Variants in CNTN5 observed in about 807,000 individuals in gnomAD.
The protein encoded by CNTN5 is contactin-5.
CNTN5 carries 77 observed loss-of-function variants against 129.1 expected under a neutral mutation model. The observed-to-expected ratio is 0.60, with a 90% confidence interval of 0.50 to 0.72. The LOEUF is 0.72. Ranked by LOEUF, CNTN5 falls within the 30% of genes least tolerant of loss-of-function variation. The probability of loss-of-function intolerance (pLI) is 0.00; values close to 1 mark genes in which losing one functional copy is unlikely to be tolerated. For synonymous variants in CNTN5, 509 were observed against 465.6 expected (o/e 1.09, Z -1.20); for missense variants, 1,478 against 1,328.8 (o/e 1.11, Z -1.75).
At chr11:99,302,436 C>T (rs990863070) in intron 1 of CNTN5, among the ~76,000 whole-genome samples, 1 of 151,538 alleles carries the variant, frequency 6.6e-6, no homozygotes, top group Non-Finnish European at 1.5e-5. Flanking sequence ...ATACTATTTA[C>T]AATTGTATAC....
At chr11:100,288,903 A>G (rs1190094769) in intron 18 of CNTN5, among the ~76,000 whole-genome samples, 3 of 151,914 alleles carry the variant, frequency 2.0e-5, no homozygotes, top group African/African-American at 4.8e-5. Flanking sequence ...TCAAATAGAC[A>G]CAATAAAAAA....
At chr11:100,201,881 G>T (rs183380972) in intron 15 of CNTN5, among the ~76,000 whole-genome samples, 91 of 151,992 alleles carry the variant, frequency 6.0e-4, no homozygotes, top group Non-Finnish European at 1.0e-3. Context: ...GAGTTATCTG[G>T]TTCAAGCTGT....
At chr11:100,026,755 T>G (rs913860212) in intron 9 of CNTN5, among the ~76,000 whole-genome samples, 23 of 152,132 alleles carry the variant, frequency 1.5e-4, no homozygotes, top group Non-Finnish European at 2.8e-4. Context: ...GTTTTAAGAG[T>G]CCCTTTTATA....
intron 6 of CNTN5, among the ~76,000 whole-genome samples, chr11:99,907,416 A>G (rs1015716557): frequency 2.0e-5 from 3 of 152,030 alleles, no homozygotes; most frequent in Non-Finnish European, 2.9e-5. Context: ...GTATTTTTAC[A>G]TTATAGTCTT....
chr11:99,693,585 T>G (rs547907516), intron 3 of CNTN5, among the ~76,000 whole-genome samples: 1 of 151,838 alleles, frequency 6.6e-6, no homozygotes, highest in African/African-American at 2.4e-5. Flanking sequence ...GATAGAGTAA[T>G]GGACAGTAGA....
intron 1 of CNTN5, among the ~76,000 whole-genome samples, chr11:99,050,788 T>C (rs1044619037): frequency 1.3e-5 from 2 of 151,862 alleles, no homozygotes; most frequent in Non-Finnish European, 2.9e-5. Flanking sequence ...AATTGAAAAA[T>C]TGAATATATG....
intron 1 of CNTN5, among the ~76,000 whole-genome samples, chr11:99,149,044 A>C (rs1859922902): frequency 6.6e-6 from 1 of 152,184 alleles, no homozygotes; most frequent in Admixed American, 6.6e-5. Context: ...ATGGCAGAGA[A>C]ATGCTGATCA....
intron 1 of CNTN5, among the ~76,000 whole-genome samples, chr11:99,189,251 G>T (rs917845264): frequency 4.0e-5 from 6 of 151,372 alleles, no homozygotes; most frequent in Admixed American, 6.6e-5. Flanking sequence ...ATATATACAC[G>T]TACATATATA....
intron 6 of CNTN5, among the ~76,000 whole-genome samples, chr11:99,892,158 C>A (rs1481473931): frequency 6.6e-6 from 1 of 152,130 alleles, no homozygotes; most frequent in African/African-American, 2.4e-5. Flanking sequence ...CCTTCGCCCA[C>A]TTTTTGATGG....
At chr11:99,112,292 A>T (rs1353169485) in intron 1 of CNTN5, among the ~76,000 whole-genome samples, 1 of 152,010 alleles carries the variant, frequency 6.6e-6, no homozygotes, top group East Asian at 1.9e-4. Context: ...AACTTCATAA[A>T]TTTTAATGGA....
intron 2 of CNTN5, among the ~76,000 whole-genome samples, chr11:99,532,343 A>C (rs1403900922): frequency 6.6e-6 from 1 of 152,130 alleles, no homozygotes. Context: ...GGAAGTAACT[A>C]ACTTGCTTTT....
At chr11:100,258,932 T>C (rs1950137321) in intron 17 of CNTN5, among the ~76,000 whole-genome samples, 1 of 152,120 alleles carries the variant, frequency 6.6e-6, no homozygotes, top group Non-Finnish European at 1.5e-5. Context: ...CAGGATCAAA[T>C]TTACACATAA....
intron 13 of CNTN5, among the ~76,000 whole-genome samples, chr11:100,161,324 A>AGAATCAGACAATT (rs1357320590): frequency 1.3e-5 from 2 of 151,898 alleles, no homozygotes; most frequent in African/African-American, 4.8e-5. Flanking sequence ...GAGGCTGTAG[A>AGAATCAGACAATT]GAATCAGACA....
intron 13 of CNTN5, among the ~76,000 whole-genome samples, chr11:100,180,340 G>T (rs1171089354): frequency 6.6e-6 from 1 of 151,754 alleles, no homozygotes; most frequent in African/African-American, 2.4e-5. Flanking sequence ...TTTGACAAAA[G>T]CAAAAAAGTA....
intron 9 of CNTN5, among the ~76,000 whole-genome samples, chr11:100,055,137 G>T (rs1435333081): frequency 1.0e-4 from 15 of 148,786 alleles, no homozygotes; most frequent in African/African-American, 3.7e-4. Context: ...TACCTCATTT[G>T]TTTGTAAAAT....
intron 9 of CNTN5, among the ~76,000 whole-genome samples, chr11:100,040,029 G>T (rs1020809799): frequency 6.6e-6 from 1 of 152,194 alleles, no homozygotes; most frequent in African/African-American, 2.4e-5. Context: ...CATTCCTTTG[G>T]AGGAGGAGAG....
chr11:99,497,080 G>A (rs189106210), intron 2 of CNTN5, among the ~76,000 whole-genome samples: 4 of 152,220 alleles, frequency 2.6e-5, no homozygotes, highest in Admixed American at 6.5e-5. Context: ...GATTGAAAGA[G>A]AAAATATTTG....
At chr11:100,276,702 T>C (rs1204483141) in intron 18 of CNTN5, among the ~76,000 whole-genome samples, 1 of 152,064 alleles carries the variant, frequency 6.6e-6, no homozygotes, top group African/African-American at 2.4e-5. Context: ...TAGGTATATA[T>C]ATTTTGGGGT....
intron 15 of CNTN5, 124 bp downstream of exon 15, chr11:100,193,787 C>A: frequency 1.4e-6 from 1 of 717,934 alleles, no homozygotes; most frequent in Non-Finnish European, 2.2e-6. Flanking sequence ...TTGATAAAAA[C>A]AATTACTTTC....
Sources: gnomAD v4.1 joint callset for allele counts (sites outside exome capture counted in the v4.1 genomes callset) on GRCh38, gnomAD v4.1.1 for gene constraint, MANE v1.5 for transcripts, NCBI Gene and HGNC (gene_info 2026-07-23, HGNC 2026-07-21) for gene names.